The following KSR1 variants were observed in gnomAD, a reference collection of about 807,000 sequenced individuals.
KSR1 encodes kinase suppressor of ras 1, also known as kinase suppressor of ras.
Under a neutral mutation model 92.9 loss-of-function variants are expected in KSR1, and 35 were observed. The observed-to-expected ratio is 0.38, with a 90% CI of 0.29 to 0.50. The LOEUF is 0.50. KSR1 is among the 20% of genes least tolerant of loss of function. The pLI is 0.94. For synonymous variants in KSR1, 467 were observed against 472.6 expected, an observed-to-expected ratio of 0.99 and a Z score of 0.15; for missense variants, 972 against 1,158.5, an observed-to-expected ratio of 0.84 and a Z score of 2.34.
At chr17:27,610,795 T>C (rs114887457) in intron 17 of KSR1, among the ~76,000 whole-genome samples, 2,553 of 152,290 alleles carry the variant, frequency 0.017, 73 homozygotes, top group African/African-American at 0.059. Flanking sequence ...TAATAAGATA[T>C]TTTATATTCT....
chr17:27,471,537 G>A (rs1171231887), intron 1 of KSR1, among the ~76,000 whole-genome samples: 1 of 152,216 alleles, frequency 6.6e-6, no homozygotes, highest in Non-Finnish European at 1.5e-5. Flanking sequence ...TCAAGGGCCA[G>A]GAGGAGGCTG....
chr17:27,485,058 G>T (rs927353250), intron 1 of KSR1, among the ~76,000 whole-genome samples: 1 of 152,164 alleles, frequency 6.6e-6, no homozygotes, highest in African/African-American at 2.4e-5. Context: ...AGCCTGGATT[G>T]AACCTGGCTT....
chr17:27,586,291 C>T (rs373378487), intron 5 of KSR1, among the ~76,000 whole-genome samples: 11 of 152,138 alleles, frequency 7.2e-5, no homozygotes, highest in African/African-American at 1.9e-4. Context: ...TGAGTCAGAG[C>T]GGAGGGAGAC....
intron 20 of KSR1, chr17:27,622,626 T>A (rs2074257028): frequency 6.5e-6 from 1 of 152,782 alleles, no homozygotes; most frequent in Admixed American, 6.5e-5. Flanking sequence ...GGTACCTGGC[T>A]CCAGACAATT....
At chr17:27,491,350 T>G (rs1276134468) in intron 1 of KSR1, among the ~76,000 whole-genome samples, 6 of 53,518 alleles carry the variant, frequency 1.1e-4, no homozygotes, top group African/African-American at 1.9e-4. Context: ...TGTGTGTGTG[T>G]GTTGGGGGTG....
intron 2 of KSR1, among the ~76,000 whole-genome samples, chr17:27,556,511 C>T (rs989532837): frequency 6.6e-6 from 1 of 152,194 alleles, no homozygotes; most frequent in African/African-American, 2.4e-5. Context: ...CATGAGCCAC[C>T]GTGCCTGGCC....
At chr17:27,555,190 G>T (rs1263961034) in intron 2 of KSR1, among the ~76,000 whole-genome samples, 7 of 152,118 alleles carry the variant, frequency 4.6e-5, no homozygotes, top group Admixed American at 6.5e-5. Flanking sequence ...ACACTACTTT[G>T]TTTTTTGGAA....
intron 14 of KSR1, among the ~76,000 whole-genome samples, chr17:27,607,651 T>G (rs191192130): frequency 6.6e-6 from 1 of 152,292 alleles, no homozygotes; most frequent in Non-Finnish European, 1.5e-5. Flanking sequence ...GATGCACTGT[T>G]TCCTGTTGTA....
intron 1 of KSR1, among the ~76,000 whole-genome samples, chr17:27,507,213 T>C (rs1230272653): frequency 6.6e-6 from 1 of 152,142 alleles, no homozygotes; most frequent in Non-Finnish European, 1.5e-5. Context: ...GGCAGGCAGA[T>C]TACGAGGTCA....
intron 11 of KSR1, among the ~76,000 whole-genome samples, chr17:27,602,712 C>T (rs1348056185): frequency 6.6e-6 from 1 of 152,168 alleles, no homozygotes; most frequent in Non-Finnish European, 1.5e-5. Context: ...ATGCCAGGCC[C>T]CTGCTGGTAG....
chr17:27,550,443 G>A, intron 1 of KSR1, 125 bp from the exon 2 acceptor site: 1 of 686,562 alleles, frequency 1.5e-6, no homozygotes, highest in Admixed American at 1.9e-5. Flanking sequence ...CAGCAGAGAG[G>A]AGAGCCAGCC....
At chr17:27,563,981 C>T (rs1200485933) in intron 2 of KSR1, among the ~76,000 whole-genome samples, 7 of 46,874 alleles carry the variant, frequency 1.5e-4, no homozygotes, top group African/African-American at 1.9e-4. Flanking sequence ...TATTCGGTAG[C>T]TTTTTTTTTT....
intron 1 of KSR1, among the ~76,000 whole-genome samples, chr17:27,548,510 T>G (rs2071270750): frequency 6.6e-6 from 1 of 152,200 alleles, no homozygotes. Flanking sequence ...CTAAGTGTTT[T>G]GTTTTATACT....
At chr17:27,491,353 T>TGTG (rs2068824580) in intron 1 of KSR1, among the ~76,000 whole-genome samples, 1 of 47,944 alleles carries the variant, frequency 2.1e-5, no homozygotes, top group African/African-American at 8.4e-5. Flanking sequence ...GTGTGTGTGT[T>TGTG]GGGGGTGGGG....
At chr17:27,509,312 ACAGAGT>A in intron 1 of KSR1, among the ~76,000 whole-genome samples, 1 of 148,622 alleles carries the variant, frequency 6.7e-6, no homozygotes. Flanking sequence ...TTTTTTTGAG[ACAGAGT>A]TTCGCTTTGT....
At chr17:27,622,099 A>C in intron 20 of KSR1, 1 of 684,604 alleles carries the variant, frequency 1.5e-6, no homozygotes, top group South Asian at 1.8e-5. Flanking sequence ...GCTTTGTTTT[A>C]AAAACTGGCC....
At chr17:27,506,124 G>C (rs1445909227) in intron 1 of KSR1, among the ~76,000 whole-genome samples, 1 of 152,182 alleles carries the variant, frequency 6.6e-6, no homozygotes, top group African/African-American at 2.4e-5. Context: ...TTGTCTGCAG[G>C]TGGATATGTA....
intron 14 of KSR1, among the ~76,000 whole-genome samples, chr17:27,606,082 C>T (rs2073742884): frequency 6.6e-6 from 1 of 152,304 alleles, no homozygotes; most frequent in African/African-American, 2.4e-5. Flanking sequence ...GAGCTTGAGA[C>T]CAGCCTGGGC....
At chr17:27,500,115 G>T (rs2069124585) in intron 1 of KSR1, among the ~76,000 whole-genome samples, 2 of 152,222 alleles carry the variant, frequency 1.3e-5, no homozygotes, top group Admixed American at 1.3e-4. Context: ...ACCCAGGTCT[G>T]GGGGAGCTGA....
Sources: gnomAD v4.1 joint callset for allele counts (sites outside exome capture counted in the v4.1 genomes callset) on GRCh38, gnomAD v4.1.1 for gene constraint, MANE v1.5 for transcripts, NCBI Gene and HGNC (gene_info 2026-07-23, HGNC 2026-07-21) for gene names.